MGMT: variants seen among roughly 807,000 people sequenced by gnomAD.
MGMT encodes O-6-methylguanine-DNA methyltransferase.
A neutral mutation model predicts 15.9 loss-of-function variants in MGMT; 14 were observed. The observed-to-expected ratio is 0.88, with a 90% CI of 0.58 to 1.37. The LOEUF (loss-of-function observed/expected upper bound fraction) is 1.37, where lower values mean the gene tolerates loss of function less well. Among genes scored for constraint, MGMT ranks in the 40% most tolerant of loss-of-function variants. MGMT has a pLI of 0.00. For synonymous variants in MGMT, 130 were observed against 118.2 expected (o/e 1.10, Z -0.65); for missense variants, 282 against 268.1 (o/e 1.05, Z -0.36).
chr10:129,746,269 A>C (rs111960189), intron 3 of MGMT, among the ~76,000 whole-genome samples: 7,498 of 150,688 alleles, frequency 0.05, 594 homozygotes, highest in African/African-American at 0.17. Flanking sequence ...ACAAAAAAAA[A>C]CACCTGACTT....
rs147640535 is a variant in MGMT, at chr10:129,497,774, G to A, written c.-13+30478G>A. On this transcript the variant is annotated intron_variant, in intron 1 of 4. Transcript: ENST00000651593. ...AGGTCAGGCTGGAGCCCTCAGAATG[G>A]GATTAGTGTGCCTATAAAAGAGGAC... is the stretch of plus-strand genomic sequence containing the variant. 3.6e-3 allele frequency among the ~76,000 whole-genome samples: 543 copies of A among 152,282 alleles called. 6 individuals carry two copies. Among genetic ancestry groups the A allele is most frequent in the African/African-American group, 0.012 (512 of 41,558 alleles).
intron 2 of MGMT, among the ~76,000 whole-genome samples, chr10:129,643,588 A>G (rs991530227): frequency 9.9e-5 from 15 of 152,190 alleles, no homozygotes; most frequent in Admixed American, 1.3e-4. Flanking sequence ...ACACATGCTA[A>G]GCGAGCAGGG....
intron 1 of MGMT, among the ~76,000 whole-genome samples, chr10:129,510,359 C>T (rs1218235797): frequency 6.6e-6 from 1 of 152,130 alleles, no homozygotes; most frequent in Admixed American, 6.5e-5. Flanking sequence ...AGGACTGAAT[C>T]GGTGCAGAGC....
At chr10:129,612,603 G>C (rs920679677) in intron 2 of MGMT, among the ~76,000 whole-genome samples, 2 of 152,180 alleles carry the variant, frequency 1.3e-5, no homozygotes, top group African/African-American at 4.8e-5. Context: ...CAGCCTTGCT[G>C]GCAGTGACCC....
rs975521814 is a variant in MGMT, at chr10:129,741,028, G to A, written c.275-18174G>A. ...CGTCTGTTGGATGCCTTTGGCCCTT[G>A]CACCACGTACAGCTTTCCACGCTTA... On this transcript the variant is annotated intron_variant, in intron 3 of 4. Coordinates refer to ENST00000651593, the MANE Select transcript of MGMT (RefSeq NM_002412.5). Among the ~76,000 whole-genome samples the A allele has an allele frequency of 2.6e-5, 4 of 152,254 alleles. No homozygotes were observed. The South Asian group carries it at 6.2e-4, about 24-fold the overall frequency.
intron 2 of MGMT, among the ~76,000 whole-genome samples, chr10:129,570,017 A>G (rs1175051928): frequency 2.6e-5 from 4 of 152,226 alleles, no homozygotes; most frequent in Admixed American, 2.0e-4. Flanking sequence ...AAGCCAAAGT[A>G]CATCTTTTGT....
intron 2 of MGMT, among the ~76,000 whole-genome samples, chr10:129,571,530 A>G (rs2133039431): frequency 6.6e-6 from 1 of 152,324 alleles, no homozygotes; most frequent in East Asian, 1.9e-4. Flanking sequence ...TAATGGAGGA[A>G]AAATCAAGGA....
intron 2 of MGMT, among the ~76,000 whole-genome samples, chr10:129,577,847 A>G (rs919692122): frequency 3.3e-5 from 5 of 152,256 alleles, no homozygotes; most frequent in Middle Eastern, 3.2e-3. Flanking sequence ...CAAGAAAAAA[A>G]CAACCCCATC....
In MGMT at chr10:129,770,742, A is replaced by G. The variant is rs1021597492; in HGVS notation, c.*3745A>G. ...TTATTTTACTAGGAAGATTTTACTGAAAGACCAATCCCGAAACGGCCCTTG... is the reference window on the plus strand; with the variant it reads ...TTATTTTACTAGGAAGATTTTACTGGAAGACCAATCCCGAAACGGCCCTTG... On this transcript the variant is annotated 3_prime_UTR_variant, in exon 5 of 5. Coordinates refer to ENST00000651593, the MANE Select transcript of MGMT (RefSeq NM_002412.5). 6.6e-6 allele frequency among the ~76,000 whole-genome samples: 1 copy of G among 152,200 alleles called. No individual in the cohort carries two copies. Among genetic ancestry groups the G allele is most frequent in the Non-Finnish European group, 1.5e-5 (1 of 68,044 alleles).
chr10:129,700,565 AG>A (rs1311323961), intron 2 of MGMT: 4 of 152,246 alleles, frequency 2.6e-5, no homozygotes, highest in African/African-American at 9.6e-5. Flanking sequence ...TCAACTCCAG[AG>A]GAAGGGACAG....
intron 2 of MGMT, among the ~76,000 whole-genome samples, chr10:129,601,531 C>T (rs1332419152): frequency 6.6e-6 from 1 of 152,178 alleles, no homozygotes; most frequent in Non-Finnish European, 1.5e-5. Flanking sequence ...GCAGGGGCTT[C>T]TGGCTTCCTG....
chr10:129,649,762 G>A (rs1847435788), intron 2 of MGMT, among the ~76,000 whole-genome samples: 1 of 152,198 alleles, frequency 6.6e-6, no homozygotes, highest in Non-Finnish European at 1.5e-5. Flanking sequence ...TGTAAGAAAT[G>A]TAATAATAGA....
intron 1 of MGMT, among the ~76,000 whole-genome samples, chr10:129,530,754 G>A (rs1045468015): frequency 4.6e-5 from 7 of 152,244 alleles, no homozygotes; most frequent in Admixed American, 2.6e-4. Context: ...CTCAGGGCCC[G>A]AGGGTGGCTG....
intron 2 of MGMT, among the ~76,000 whole-genome samples, chr10:129,689,042 A>C (rs1039281418): frequency 6.6e-6 from 1 of 152,078 alleles, no homozygotes; most frequent in Admixed American, 6.5e-5. Context: ...GCTCACTGCA[A>C]CCTCAGCCTC....
In MGMT at chr10:129,726,097, A is replaced by G. The variant is rs910911344; in HGVS notation, c.274+18054A>G. On this transcript the variant is annotated intron_variant, in intron 3 of 4. Transcript: ENST00000651593. ...CAGACTCTCAGTGCAATGAGGGACC[A>G]TGAGTAGCTTCTGCTTGCTGAGTGC... is the stretch of plus-strand genomic sequence containing the variant. Among the ~76,000 whole-genome samples, 5 of 152,202 alleles carry G rather than the reference A, an allele frequency of 3.3e-5. No homozygotes were observed. In the East Asian group the frequency reaches 9.8e-4, roughly 30 times the overall value.
At chr10:129,470,019 A>G (rs879480570) in intron 1 of MGMT, among the ~76,000 whole-genome samples, 5 of 152,158 alleles carry the variant, frequency 3.3e-5, no homozygotes, top group Admixed American at 2.6e-4. Context: ...GCCTCGCAGG[A>G]TATTATTTAA....
intron 2 of MGMT, among the ~76,000 whole-genome samples, chr10:129,699,751 A>G (rs1481634276): frequency 1.3e-5 from 2 of 152,140 alleles, no homozygotes; most frequent in Non-Finnish European, 2.9e-5. Flanking sequence ...GCAAGCACTC[A>G]TGGAACCCGT....
rs11016839 is a variant in MGMT at position 129,566,030 on chromosome 10, G to A, written c.125+29653G>A. Among the ~76,000 whole-genome samples the A allele has an allele frequency of 6.6e-6, 1 of 152,148 alleles. No homozygotes were observed. The highest frequency in any genetic ancestry group is 2.4e-5 in the African/African-American group (1 of 41,446). ...GAGTTCTGTCCAGTTCAGGTTCGTAGGCCACTCTTGCAGCTCTGTTCCTTC... is the reference window on the plus strand; with the variant it reads ...GAGTTCTGTCCAGTTCAGGTTCGTAAGCCACTCTTGCAGCTCTGTTCCTTC... On this transcript the variant is annotated intron_variant, in intron 2 of 4. Coordinates refer to ENST00000651593, the MANE Select transcript of MGMT (RefSeq NM_002412.5). The surrounding 1 kb of genome is among the most constrained non-coding windows in gnomAD (Gnocchi z 4.1).
At chr10:129,637,336 G>A (rs868040675) in intron 2 of MGMT, among the ~76,000 whole-genome samples, 4 of 152,228 alleles carry the variant, frequency 2.6e-5, no homozygotes, top group African/African-American at 4.8e-5. Context: ...CCTCTTGTGC[G>A]ATGGGGCTCT....
Sources: gnomAD v4.1 joint callset for allele counts (sites outside exome capture counted in the v4.1 genomes callset) on GRCh38, gnomAD v4.1.1 for gene constraint, Gnocchi (gnomAD v3.1) non-coding constraint, MANE v1.5 for transcripts, NCBI Gene and HGNC (gene_info 2026-07-23, HGNC 2026-07-21) for gene names.